Variants in UGDH observed in about 807,000 individuals in gnomAD.
The protein encoded by UGDH is UDP-Glc dehydrogenase.
A neutral mutation model predicts 50.6 loss-of-function variants in UGDH; 38 were observed. The ratio of observed to expected loss-of-function variants is 0.75; its 90% confidence interval spans 0.58 to 0.98. The LOEUF is 0.98. Ranked by LOEUF, UGDH falls within the 50% of genes least tolerant of loss-of-function variation. The pLI is 0.00. For missense variants in UGDH, 465 were observed against 606.2 expected (o/e 0.77, Z 2.45); for synonymous variants, 168 against 199.9 (o/e 0.84, Z 1.35).
At position 39,510,731 on chromosome 4, in the gene UGDH, A is replaced by C. The variant is rs771593403; in HGVS notation, c.395T>G (p.Val132Gly). 3.7e-6 allele frequency: 6 copies of C among 1,614,084 alleles called. No homozygotes were observed. The highest frequency in any genetic ancestry group is 2.2e-5 in the South Asian group (2 of 91,090). Residue 132 changes from valine (V) to glycine (G), a missense_variant, in exon 4 of 12, where the codon GTT becomes GGT. Physicochemically the swap from Val to Gly is moderately radical, Grantham distance 109. Coordinates refer to ENST00000316423, the MANE Select transcript of UGDH (RefSeq NM_003359.4). ...GATACTTTCTGCTGCCCGCACTGGA[A>C]CTGTGCTTTTCTCAGTCACAATTTT... is the stretch of plus-strand genomic sequence containing the variant. ...GYKIVTEKSTVPVRAAESIRR... is the reference protein window; with the variant it reads ...GYKIVTEKSTGPVRAAESIRR...
At chr4:39,512,990 T>A (rs980640048) in intron 3 of UGDH, among the ~76,000 whole-genome samples, 5 of 152,032 alleles carry the variant, frequency 3.3e-5, no homozygotes, top group African/African-American at 1.2e-4. Flanking sequence ...GCCAGCTAAG[T>A]AGAGACAGGG....
intron 6 of UGDH, 97 bp from the exon 7 acceptor site, chr4:39,508,757 A>G: frequency 1.0e-6 from 1 of 992,602 alleles, no homozygotes; most frequent in Non-Finnish European, 1.4e-6. Flanking sequence ...AGCTTATACT[A>G]AGATTTTTTA....
chr4:39,522,789 CAG>C (rs1332001312), intron 1 of UGDH, among the ~76,000 whole-genome samples: 2 of 144,186 alleles, frequency 1.4e-5, no homozygotes. Flanking sequence ...TTTAATGAGA[CAG>C]AGTCTTGCTC....
chr4:39,521,210 A>G, intron 2 of UGDH, 141 bp downstream of exon 2: 1 of 799,998 alleles, frequency 1.3e-6, no homozygotes, highest in Non-Finnish European at 1.8e-6. Context: ...TTTAATGTCC[A>G]TGTGTTTTGT....
intron 11 of UGDH, among the ~76,000 whole-genome samples, chr4:39,501,475 G>A (rs190685505): frequency 0.013 from 1,972 of 148,712 alleles, 22 homozygotes; most frequent in Middle Eastern, 0.051. Flanking sequence ...GGTTTTCACC[G>A]TGTTAGCCAG....
rs1437151307 is a variant in UGDH, at chr4:39,526,963, G to A, written c.-8+320C>T. The A allele has an allele frequency of 4.0e-6, 5 of 1,256,482 alleles. No individual in the cohort carries two copies. The East Asian group carries it at 2.2e-4, about 56-fold the overall frequency. The allele number at this position is 1,256,482 out of a possible 1,614,324, so 77.8% of individuals were successfully genotyped here. A position where few individuals can be genotyped will look rare whatever the true frequency, so the allele number is the denominator to read the frequency against. On this transcript the variant is annotated intron_variant, in intron 1 of 11. Coordinates refer to ENST00000316423, the MANE Select transcript of UGDH (RefSeq NM_003359.4). Reference sequence around the variant, plus strand: ...CCCAACGAGAGAACCGCTTCCTGTGGTGGGCGTTCGGCTTTGGAGGCGGCA... The same window carrying A: ...CCCAACGAGAGAACCGCTTCCTGTGATGGGCGTTCGGCTTTGGAGGCGGCA...
At position 39,527,171 on chromosome 4, in the gene UGDH, C is replaced by G. The variant is rs145894600; in HGVS notation, c.-8+112G>C. 7.5e-3 allele frequency: 9,442 copies of G among 1,265,736 alleles called. 69 individuals are homozygous for G. The highest frequency in any genetic ancestry group is 8.4e-3 in the Non-Finnish European group (8,153 of 969,848). 78.4% of individuals were successfully genotyped at this position (1,265,736 alleles called of 1,614,324 possible). On this transcript the variant is annotated intron_variant, in intron 1 of 11. Coordinates refer to ENST00000316423, the MANE Select transcript of UGDH (RefSeq NM_003359.4). ...GAGACGGGAAGCCCGGGACCCAGCG[C>G]AGCGAGCGACCGGGAGCAGCGCGCA...
chr4:39,502,555 T>A (rs984899454), intron 11 of UGDH, among the ~76,000 whole-genome samples: 5 of 152,128 alleles, frequency 3.3e-5, no homozygotes, highest in South Asian at 2.1e-4. Flanking sequence ...CCTGGCATAT[T>A]TTTTTATTCT....
At chr4:39,502,507 C>G (rs1190384826) in intron 11 of UGDH, among the ~76,000 whole-genome samples, 1 of 152,180 alleles carries the variant, frequency 6.6e-6, no homozygotes, top group African/African-American at 2.4e-5. Flanking sequence ...AACACTGCTG[C>G]TTTTCTGCTT....
Position 39,508,671 on chromosome 4 carries a change from A to G in UGDH, c.812-11T>C. On this transcript the variant is annotated splice_polypyrimidine_tract_variant and intron_variant, in intron 6 of 11. Transcript: ENST00000316423. The stretch of plus-strand genomic sequence containing the variant: ...AGCTCCCACCAAACCCTGCAGAAAG[A>G]AAAAAATGAACAATATTTTCATGTA... 5.7e-6 allele frequency: 9 copies of G among 1,582,614 alleles called. No homozygotes were observed. The highest frequency in any genetic ancestry group is 7.7e-6 in the Non-Finnish European group (9 of 1,171,168).
Position 39,505,767 on chromosome 4 carries a change from T to C in UGDH, c.907-19A>G, listed in dbSNP as rs761264103. On this transcript the variant is annotated intron_variant, in intron 7 of 11. Transcript: ENST00000316423. ...CTATGACCTGAAATTACATGTACAATTGTGCAATGATTAGTTAAAAGAGGC... is the reference window on the plus strand; with the variant it reads ...CTATGACCTGAAATTACATGTACAACTGTGCAATGATTAGTTAAAAGAGGC... 9 of 1,592,892 alleles carry C rather than the reference T, an allele frequency of 5.7e-6. No individual in the cohort carries two copies. The highest frequency in any genetic ancestry group is 1.1e-5 in the South Asian group (1 of 87,370).
chr4:39,499,245 C>T lies in UGDH; in HGVS notation c.*898G>A, dbSNP rs912026682. On this transcript the variant is annotated 3_prime_UTR_variant, in exon 12 of 12. Transcript: ENST00000316423. ...ATAATGGGGAGAGAAAGAAATGCTACTAATTTTCTCTTCATGATTAAAAAA... is the reference window on the plus strand; with the variant it reads ...ATAATGGGGAGAGAAAGAAATGCTATTAATTTTCTCTTCATGATTAAAAAA... The T allele has an allele frequency of 4.6e-5, 7 of 150,986 alleles. No individual in the cohort carries two copies. Among genetic ancestry groups the T allele is most frequent in the African/African-American group, 9.7e-5 (4 of 41,058 alleles). 9.4% of individuals were successfully genotyped at this position (150,986 alleles called of 1,614,324 possible).
Position 39,510,799 on chromosome 4 carries a change from A to T in UGDH, c.327T>A (p.Ile109=), listed in dbSNP as rs964910078. ...GCACAATGCGTCTAGCACAAGCTTC[A>T]ATATACTTCAGATCTGCTGCCCGGC... ...GKGRAADLKY[I]EACARRIVQN... The change falls in exon 4 of 12, where the codon ATT becomes ATA. Residue 109 remains isoleucine (I), a synonymous_variant. Coordinates refer to ENST00000316423, the MANE Select transcript of UGDH (RefSeq NM_003359.4). 7 of 1,614,072 alleles carry T rather than the reference A, an allele frequency of 4.3e-6. No individual in the cohort carries two copies. Among genetic ancestry groups the T allele is most frequent in the Non-Finnish European group, 5.9e-6 (7 of 1,180,056 alleles).
chr4:39,505,535 ATG>A, intron 8 of UGDH, 81 bp downstream of exon 8: 1 of 1,283,768 alleles, frequency 7.8e-7, no homozygotes. Context: ...CATGTATTTT[ATG>A]TACACCTACC....
chr4:39,510,631 A>T, intron 4 of UGDH, 30 bp downstream of exon 4: 1 of 1,614,128 alleles, frequency 6.2e-7, no homozygotes, highest in Non-Finnish European at 8.5e-7. Flanking sequence ...ACATAAGAAT[A>T]ACCAGATTCT....
intron 7 of UGDH, among the ~76,000 whole-genome samples, chr4:39,506,283 A>AT (rs1004257994): frequency 6.7e-5 from 10 of 149,530 alleles, no homozygotes; most frequent in African/African-American, 2.5e-4. Context: ...ATTTGGCTTG[A>AT]TTTTCTATGC....
intron 1 of UGDH, chr4:39,526,990 G>A (rs1417453823): frequency 7.0e-6 from 9 of 1,287,582 alleles, no homozygotes; most frequent in Non-Finnish European, 9.1e-6. Flanking sequence ...GAGGCGGCAG[G>A]GAAATCTCAT....
At chr4:39,506,409 C>A (rs1301521804) in intron 7 of UGDH, among the ~76,000 whole-genome samples, 1 of 152,110 alleles carries the variant, frequency 6.6e-6, no homozygotes, top group Non-Finnish European at 1.5e-5. Flanking sequence ...CCATACTATC[C>A]TTAGTCCGTG....
intron 1 of UGDH, chr4:39,526,959 T>A: frequency 8.0e-7 from 1 of 1,246,340 alleles, no homozygotes; most frequent in South Asian, 1.2e-5. Flanking sequence ...AACCGCTTCC[T>A]GTGGTGGGCG....
Sources: allele counts gnomAD v4.1 joint callset (sites outside exome capture counted in the v4.1 genomes callset), GRCh38; gene constraint gnomAD v4.1.1; transcripts MANE v1.5; gene names NCBI Gene and HGNC (gene_info 2026-07-23, HGNC 2026-07-21).